RARS2: variants seen among roughly 807,000 people sequenced by gnomAD.
RARS2 encodes the protein probable arginine--tRNA ligase, mitochondrial.
RARS2 carries 67 observed loss-of-function variants against 88.5 expected under a neutral mutation model. The observed-to-expected ratio is 0.76, with a 90% CI of 0.62 to 0.93. The LOEUF is 0.93. Among genes scored for constraint, RARS2 ranks in the 40% least tolerant of loss-of-function variants. The probability of loss-of-function intolerance (pLI) is 0.00; values close to 1 mark genes in which losing one functional copy is unlikely to be tolerated. For synonymous variants in RARS2, 239 were observed against 230.3 expected (o/e 1.04, Z -0.34); for missense variants, 664 against 684.2 (o/e 0.97, Z 0.33).
At chr6:87,524,986 T>A (rs1775186301) in intron 10 of RARS2, among the ~76,000 whole-genome samples, 1 of 152,204 alleles carries the variant, frequency 6.6e-6, no homozygotes, top group Non-Finnish European at 1.5e-5. Flanking sequence ...TCCTTCTAAT[T>A]CATGGTATTA....
chr6:87,558,352 T>A (rs1266629267), intron 4 of RARS2, among the ~76,000 whole-genome samples: 3 of 151,768 alleles, frequency 2.0e-5, no homozygotes, highest in African/African-American at 2.4e-5. Flanking sequence ...AACCTAGGAG[T>A]CCCTAACACT....
intron 17 of RARS2, 66 bp from the exon 18 acceptor site, chr6:87,516,946 A>G (rs774690093): frequency 1.3e-4 from 214 of 1,601,060 alleles, no homozygotes; most frequent in Non-Finnish European, 1.6e-4. Flanking sequence ...ATTAGACATT[A>G]AAAGATTGTG....
intron 7 of RARS2, among the ~76,000 whole-genome samples, chr6:87,544,090 G>A (rs1781866235): frequency 6.6e-6 from 1 of 152,184 alleles, no homozygotes; most frequent in African/African-American, 2.4e-5. Flanking sequence ...GTCCTTTAGA[G>A]AAAAAACTGC....
At chr6:87,574,721 A>C (rs1353098707) in intron 1 of RARS2, among the ~76,000 whole-genome samples, 1 of 152,226 alleles carries the variant, frequency 6.6e-6, no homozygotes, top group Non-Finnish European at 1.5e-5. Flanking sequence ...CAGGATTTGG[A>C]ACTTACTGAG....
At chr6:87,521,290 T>C (rs553321478) in intron 12 of RARS2, among the ~76,000 whole-genome samples, 174 bp downstream of exon 12, 11 of 152,360 alleles carry the variant, frequency 7.2e-5, no homozygotes, top group Non-Finnish European at 1.3e-4. Context: ...TGAAGCAATG[T>C]AAACTTTTTC....
At chr6:87,569,734 A>G (rs1189147950) in intron 1 of RARS2, 144 bp from the exon 2 acceptor site, 1 of 722,854 alleles carries the variant, frequency 1.4e-6, no homozygotes, top group Non-Finnish European at 2.4e-6. Context: ...GCCAGATTCA[A>G]AAAGGTATAT....
chr6:87,568,922 C>T, intron 2 of RARS2, among the ~76,000 whole-genome samples: 1 of 152,100 alleles, frequency 6.6e-6, no homozygotes, highest in East Asian at 1.9e-4. Flanking sequence ...AATAATCTAT[C>T]CAAGTATTGA....
Position 87,518,699 on chromosome 6 carries a change from C to T in RARS2, c.1346G>A (p.Trp449Ter). 6.2e-7 allele frequency: 1 copy of T among 1,614,082 alleles called. No individual in the cohort carries two copies. The highest frequency in any genetic ancestry group is 8.5e-7 in the Non-Finnish European group (1 of 1,179,988). ...GLLLSDYKFS[W>*]DRVFQSRGDT... ...CCCGCGACTCTGGAAAACACGATCC[C>T]AGCTGAACTTGTAGTCAGATAAGAG... is the stretch of plus-strand genomic sequence containing the variant. The change falls in exon 16 of 20, where the codon TGG becomes TAG. Residue 449 changes from tryptophan (W) to a stop codon, truncating the protein, a stop_gained. Coordinates refer to ENST00000369536, the MANE Select transcript of RARS2 (RefSeq NM_020320.5). LOFTEE classifies it high-confidence loss of function.
At chr6:87,543,551 G>C (rs1275129363) in intron 7 of RARS2, among the ~76,000 whole-genome samples, 1 of 151,886 alleles carries the variant, frequency 6.6e-6, no homozygotes, top group African/African-American at 2.4e-5. Flanking sequence ...TGAGGCAGGA[G>C]AATCACTTGA....
intron 12 of RARS2, among the ~76,000 whole-genome samples, chr6:87,520,489 T>G (rs555923122): frequency 6.8e-4 from 103 of 152,242 alleles, no homozygotes; most frequent in African/African-American, 2.4e-3. Flanking sequence ...AAATGTGAAC[T>G]TCAATCTTCT....
intron 6 of RARS2, 57 bp downstream of exon 6, chr6:87,548,534 C>A: frequency 6.6e-7 from 1 of 1,519,734 alleles, no homozygotes. Context: ...TTAAATTGAA[C>A]TATCAAATAC....
chr6:87,586,697 A>AC (rs1338569904), intron 1 of RARS2, among the ~76,000 whole-genome samples: 1 of 152,210 alleles, frequency 6.6e-6, no homozygotes, highest in African/African-American at 2.4e-5. Context: ...TTGCCATTGC[A>AC]CGTTACACAT....
intron 1 of RARS2, among the ~76,000 whole-genome samples, chr6:87,583,589 C>CAAAA (rs5878038): frequency 8.0e-6 from 1 of 125,434 alleles, no homozygotes. Context: ...AACTGCGTCT[C>CAAAA]AAAAAAAAAA....
chr6:87,545,755 A>G, intron 6 of RARS2, 56 bp from the exon 7 acceptor site: 10 of 1,578,690 alleles, frequency 6.3e-6, no homozygotes, highest in Non-Finnish European at 8.6e-6. Context: ...TTTTGACATA[A>G]GAACCATGTA....
intron 8 of RARS2, among the ~76,000 whole-genome samples, chr6:87,539,998 G>C (rs1265245837): frequency 1.3e-5 from 2 of 151,958 alleles, no homozygotes; most frequent in Middle Eastern, 3.2e-3. Flanking sequence ...CAACCATGAA[G>C]AATTATTAAT....
chr6:87,585,078 C>T (rs1479967504), intron 1 of RARS2, among the ~76,000 whole-genome samples: 1 of 152,098 alleles, frequency 6.6e-6, no homozygotes, highest in East Asian at 1.9e-4. Flanking sequence ...AATCAAAAGT[C>T]AACATGGCAG....
chr6:87,550,796 T>A (rs1410429418), intron 5 of RARS2, among the ~76,000 whole-genome samples: 7 of 126,114 alleles, frequency 5.6e-5, no homozygotes, highest in Admixed American at 1.5e-4. Context: ...GAACATAAAA[T>A]ACATTATTTA....
chr6:87,549,554 A>G (rs1383441428), intron 5 of RARS2, among the ~76,000 whole-genome samples: 1 of 147,262 alleles, frequency 6.8e-6, no homozygotes, highest in Non-Finnish European at 1.5e-5. Flanking sequence ...TGTAAAATTA[A>G]AAAAAAAAAA....
In RARS2 at chr6:87,520,200, C is replaced by T; in HGVS notation, c.1092G>A (p.Met364Ile). The change falls in exon 13 of 20, where the codon ATG (methionine) becomes ATA (isoleucine). Residue 364 changes from methionine (M) to isoleucine (I), a missense_variant. Physicochemically the swap from Met to Ile is conservative, Grantham distance 10 (BLOSUM62 1). Coordinates refer to ENST00000369536, the MANE Select transcript of RARS2 (RefSeq NM_020320.5). ...ATTACCTTTCTGCCCAGTCATATCC[C>T]ATGATCTTCAGCATTTGGAATACTT... ...FQQVFQMLKIMGYDWAERCQH... is the reference protein window; with the variant it reads ...FQQVFQMLKIIGYDWAERCQH... 6.2e-7 allele frequency: 1 copy of T among 1,613,546 alleles called. No homozygotes were observed. Among genetic ancestry groups the T allele is most frequent in the South Asian group, 1.1e-5 (1 of 91,064 alleles).
Sources: allele counts gnomAD v4.1 joint callset (sites outside exome capture counted in the v4.1 genomes callset), GRCh38; gene constraint gnomAD v4.1.1; transcripts MANE v1.5; gene names NCBI Gene and HGNC (gene_info 2026-07-23, HGNC 2026-07-21).